SLC24A5: variants seen among roughly 807,000 people sequenced by gnomAD.
The protein encoded by SLC24A5 is sodium/potassium/calcium exchanger 5.
Under a neutral mutation model 51.6 loss-of-function variants are expected in SLC24A5, and 46 were observed. The ratio of observed to expected loss-of-function variants is 0.89; its 90% CI spans 0.70 to 1.14. SLC24A5 has a LOEUF of 1.14. SLC24A5 is among the 50% of genes most tolerant of loss of function. The pLI is 0.00. For synonymous variants in SLC24A5, 230 were observed against 214.9 expected, an observed-to-expected ratio of 1.07 and a Z score of -0.62; for missense variants, 581 against 604.1, an observed-to-expected ratio of 0.96 and a Z score of 0.40.
chr15:48,133,666 A>G (rs1445197975), intron 2 of SLC24A5, among the ~76,000 whole-genome samples: 3 of 152,138 alleles, frequency 2.0e-5, no homozygotes, highest in African/African-American at 4.8e-5. Flanking sequence ...TAGAATATCC[A>G]GTTTTCTTGT....
chr15:48,122,980 T>C (rs2038695353), intron 2 of SLC24A5: 1 of 152,122 alleles, frequency 6.6e-6, no homozygotes, highest in African/African-American at 2.4e-5. Flanking sequence ...CATTTCTTTA[T>C]AAAGGGAAAG....
chr15:48,121,113 A>G lies in SLC24A5; in HGVS notation c.69A>G (p.Ala23=). 1 of 1,613,858 alleles carries G rather than the reference A, an allele frequency of 6.2e-7. No homozygotes were observed. Among genetic ancestry groups the G allele is most frequent in the Non-Finnish European group, 8.5e-7 (1 of 1,179,888 alleles). Reference sequence around the variant, plus strand: ...TGCTCGGCATCCTGTGGGCCACTGCACATCTGCCTCTCTCAGGGACCTCCC... The same window carrying G: ...TGCTCGGCATCCTGTGGGCCACTGCGCATCTGCCTCTCTCAGGGACCTCCC... ...ALLLGILWAT[A]HLPLSGTSLP... The change falls in exon 1 of 9, where the codon GCA becomes GCG. Residue 23 remains alanine (A), a synonymous_variant. Coordinates refer to ENST00000341459, the MANE Select transcript of SLC24A5 (RefSeq NM_205850.3).
chr15:48,136,726 T>G lies in SLC24A5; in HGVS notation c.634T>G (p.Leu212Val). The G allele has an allele frequency of 6.2e-7, 1 of 1,613,470 alleles. No individual in the cohort carries two copies. Among genetic ancestry groups the G allele is most frequent in the Non-Finnish European group, 8.5e-7 (1 of 1,179,710 alleles). Reference sequence around the variant, plus strand: ...GCTTTTGATATATGGATTGTATGTTTTGGTGCTGTGTTTTGACATTAAAAT... The same window carrying G: ...GCTTTTGATATATGGATTGTATGTTGTGGTGCTGTGTTTTGACATTAAAAT... The part of the protein sequence containing the change: ...LLLLIYGLYV[L>V]VLCFDIKINQ... The change falls in exon 6 of 9, where the codon TTG (leucine) becomes GTG (valine). Residue 212 changes from leucine to valine, a missense_variant. By Grantham distance (32) the Leu-to-Val change is conservative (BLOSUM62 1). Coordinates refer to ENST00000341459, the MANE Select transcript of SLC24A5 (RefSeq NM_205850.3).
At chr15:48,140,509 G>C (rs982973741) in intron 7 of SLC24A5, 4 of 151,950 alleles carry the variant, frequency 2.6e-5, no homozygotes, top group African/African-American at 9.7e-5. Flanking sequence ...GAAAAATGTT[G>C]ACCTGACATC....
chr15:48,122,191 C>A lies in SLC24A5; in HGVS notation c.301+155C>A. The A allele has an allele frequency of 5.3e-6, 4 of 756,226 alleles. No individual in the cohort carries two copies. The South Asian group carries it at 6.1e-5, about 12-fold the overall frequency. 46.8% of individuals were successfully genotyped at this position (756,226 alleles called of 1,614,324 possible). On this transcript the variant is annotated intron_variant, in intron 2 of 8. Coordinates refer to ENST00000341459, the MANE Select transcript of SLC24A5 (RefSeq NM_205850.3). ...GGGTCCCGTGTCTTAAGGAACTGGTCGAGTGTGGTTTCTCTTGGTAGTTAA... is the reference window on the plus strand; with the variant it reads ...GGGTCCCGTGTCTTAAGGAACTGGTAGAGTGTGGTTTCTCTTGGTAGTTAA...
chr15:48,134,180 T>C, intron 2 of SLC24A5, 78 bp from the exon 3 acceptor site: 2 of 1,164,798 alleles, frequency 1.7e-6, no homozygotes, highest in Admixed American at 1.8e-5. Flanking sequence ...GCTGTAGCTT[T>C]GAGTATCTAT....
intron 2 of SLC24A5, among the ~76,000 whole-genome samples, chr15:48,132,831 G>C (rs566686159): frequency 1.5e-4 from 23 of 152,202 alleles, no homozygotes; most frequent in African/African-American, 5.1e-4. Flanking sequence ...AAAGTAGCAG[G>C]ACTTACCATG....
chr15:48,126,680 A>G (rs1485844971), intron 2 of SLC24A5, among the ~76,000 whole-genome samples: 8 of 152,220 alleles, frequency 5.3e-5, no homozygotes, highest in Non-Finnish European at 1.5e-5. Context: ...ACCCGGATGG[A>G]TACCCTGAGG....
At chr15:48,137,604 G>A (rs1358824042) in intron 6 of SLC24A5, 3 of 152,118 alleles carry the variant, frequency 2.0e-5, no homozygotes, top group Non-Finnish European at 4.4e-5. Flanking sequence ...GTGTTTACTA[G>A]GTGCCTAGAC....
intron 2 of SLC24A5, chr15:48,124,278 A>C (rs2038709547): frequency 6.6e-6 from 1 of 152,036 alleles, no homozygotes; most frequent in Admixed American, 6.6e-5. Flanking sequence ...TCCACTAAGA[A>C]TCTGTCTTGC....
At chr15:48,128,315 A>C (rs892947772) in intron 2 of SLC24A5, among the ~76,000 whole-genome samples, 1 of 152,136 alleles carries the variant, frequency 6.6e-6, no homozygotes, top group Non-Finnish European at 1.5e-5. Context: ...ATTAGATATA[A>C]CCTCTCTACC....
intron 1 of SLC24A5, 79 bp from the exon 2 acceptor site, chr15:48,121,778 A>C: frequency 7.0e-7 from 1 of 1,435,116 alleles, no homozygotes; most frequent in Non-Finnish European, 9.7e-7. Context: ...ACACTTACAG[A>C]TTTCTTAAGG....
Position 48,121,089 on chromosome 15 carries a change from G to C in SLC24A5, c.45G>C (p.Leu15Phe), listed in dbSNP as rs943205222. The C allele has an allele frequency of 1.2e-6, 2 of 1,613,834 alleles. No individual in the cohort carries two copies. The highest frequency in any genetic ancestry group is 1.7e-6 in the Non-Finnish European group (2 of 1,179,944). Residue 15 changes from leucine to phenylalanine, a missense_variant, in exon 1 of 9, where the codon TTG becomes TTC. Leu to Phe is a conservative substitution (Grantham distance 22, BLOSUM62 0). Coordinates refer to ENST00000341459, the MANE Select transcript of SLC24A5 (RefSeq NM_205850.3). ...AAACATGGGCGAGAAGGGCTCTGTT[G>C]CTCGGCATCCTGTGGGCCACTGCAC... is the stretch of plus-strand genomic sequence containing the variant. The part of the protein sequence containing the change: ...GGQTWARRAL[L>F]LGILWATAHL...
In SLC24A5 at chr15:48,134,471, C is replaced by T. The variant is rs1567224397; in HGVS notation, c.422C>T (p.Thr141Ile). The change falls in exon 4 of 9, where the codon ACC becomes ATC. Residue 141 changes from threonine (T) to isoleucine (I), a missense_variant. By Grantham distance (89) the Thr-to-Ile change is moderately conservative. Coordinates refer to ENST00000341459, the MANE Select transcript of SLC24A5 (RefSeq NM_205850.3). ...FITKGDIGIS[T>I]ILGSAIYNLL... ...ACAAAGGGAGATATTGGCATTAGCACCATCCTTGGATCTGCAATTTATAAT... is the reference window on the plus strand; with the variant it reads ...ACAAAGGGAGATATTGGCATTAGCATCATCCTTGGATCTGCAATTTATAAT... The T allele has an allele frequency of 1.9e-6, 3 of 1,613,568 alleles. No individual in the cohort carries two copies. Among genetic ancestry groups the T allele is most frequent in the Non-Finnish European group, 2.5e-6 (3 of 1,179,566 alleles).
At chr15:48,137,227 G>C (rs1275576095) in intron 6 of SLC24A5, 1 of 367,136 alleles carries the variant, frequency 2.7e-6, no homozygotes, top group Admixed American at 4.5e-5. Context: ...GCCAAAATGT[G>C]GTGAGGACAG....
intron 8 of SLC24A5, chr15:48,141,658 G>C: frequency 6.0e-6 from 1 of 166,964 alleles, no homozygotes; most frequent in Admixed American, 6.0e-5. Flanking sequence ...AGTGACTCCA[G>C]AGGAAAAGTT....
chr15:48,134,818 A>G lies in SLC24A5; in HGVS notation c.490-66A>G. 4 of 1,204,994 alleles carry G rather than the reference A, an allele frequency of 3.3e-6. No individual in the cohort carries two copies. The South Asian group carries it at 4.1e-5, about 12-fold the overall frequency. 74.6% of individuals were successfully genotyped at this position (1,204,994 alleles called of 1,614,324 possible). ...CTACAAATATATAAACAATTTTAGTATTATACTAAGGATTGTACTTGAAGA... is the reference window on the plus strand; with the variant it reads ...CTACAAATATATAAACAATTTTAGTGTTATACTAAGGATTGTACTTGAAGA... On this transcript the variant is annotated intron_variant, in intron 4 of 8. Transcript: ENST00000341459.
At chr15:48,133,893 CTTTT>C (rs543755988) in intron 2 of SLC24A5, among the ~76,000 whole-genome samples, 5 of 151,924 alleles carry the variant, frequency 3.3e-5, no homozygotes, top group African/African-American at 2.4e-5. Context: ...AAACTAACAT[CTTTT>C]TTTTCTTCTT....
chr15:48,121,315 C>A, intron 1 of SLC24A5, 150 bp downstream of exon 1: 3 of 833,314 alleles, frequency 3.6e-6, no homozygotes, highest in Non-Finnish European at 5.3e-6. Context: ...ATATCAAACA[C>A]TTTTGATCCT....
Sources: gnomAD v4.1 joint callset for allele counts (sites outside exome capture counted in the v4.1 genomes callset) on GRCh38, gnomAD v4.1.1 for gene constraint, MANE v1.5 for transcripts, NCBI Gene and HGNC (gene_info 2026-07-23, HGNC 2026-07-21) for gene names.